LRRC69: variants seen among roughly 807,000 people sequenced by gnomAD.
The protein encoded by LRRC69 is leucine rich repeat containing 69, also known as leucine-rich repeat-containing protein 69.
LRRC69 carries 42 observed loss-of-function variants against 37.8 expected under a neutral mutation model. The observed-to-expected ratio is 1.11, with a 90% CI of 0.87 to 1.44. The LOEUF (loss-of-function observed/expected upper bound fraction) is 1.44, where lower values mean the gene tolerates loss of function less well. Ranked by LOEUF, LRRC69 falls within the 40% of genes most tolerant of loss-of-function variation. LRRC69 has a pLI of 0.00. For missense variants in LRRC69, 357 were observed against 401.9 expected, an observed-to-expected ratio of 0.89 and a Z score of 0.96; for synonymous variants, 141 against 143.1, an observed-to-expected ratio of 0.99 and a Z score of 0.11.
At chr8:91,206,482 C>T (rs1809807413) in intron 7 of LRRC69, among the ~76,000 whole-genome samples, 2 of 152,150 alleles carry the variant, frequency 1.3e-5, no homozygotes, top group Non-Finnish European at 2.9e-5. Context: ...GAATTGTTCA[C>T]ATTATCATCT....
chr8:91,148,294 C>T (rs1033915240), intron 5 of LRRC69, among the ~76,000 whole-genome samples: 1 of 151,476 alleles, frequency 6.6e-6, no homozygotes, highest in Non-Finnish European at 1.5e-5. Flanking sequence ...CATGTGTTCT[C>T]ATTGTTCAAT....
chr8:91,116,210 C>T (rs1011137178), intron 1 of LRRC69, among the ~76,000 whole-genome samples: 1 of 151,966 alleles, frequency 6.6e-6, no homozygotes, highest in Non-Finnish European at 1.5e-5. Flanking sequence ...ACAGTATTTT[C>T]CTGGGCCTAA....
Position 91,128,946 on chromosome 8 carries a change from C to T in LRRC69, c.383+1786C>T, listed in dbSNP as rs997780081. Among the ~76,000 whole-genome samples, 4 of 151,992 alleles carry T rather than the reference C, an allele frequency of 2.6e-5. No individual in the cohort carries two copies. In the East Asian group the frequency reaches 5.8e-4, roughly 22 times the overall value. On this transcript the variant is annotated intron_variant, in intron 3 of 7. Transcript: ENST00000448384. ...TATATTTAATGCAGAGGAGGGCTAGCAGGGACTCAGAGTGATCATGTCAGC... is the reference window on the plus strand; with the variant it reads ...TATATTTAATGCAGAGGAGGGCTAGTAGGGACTCAGAGTGATCATGTCAGC...
At chr8:91,147,258 T>A (rs1196418371) in intron 5 of LRRC69, among the ~76,000 whole-genome samples, 1 of 94,216 alleles carries the variant, frequency 1.1e-5, no homozygotes, top group East Asian at 2.8e-4. Flanking sequence ...ATAATATATA[T>A]TATATATAAA....
chr8:91,193,657 G>A (rs1168997094), intron 6 of LRRC69, among the ~76,000 whole-genome samples: 6 of 39,658 alleles, frequency 1.5e-4, no homozygotes, highest in East Asian at 7.5e-4. Flanking sequence ...TTTGTCTGTT[G>A]TTGGTGTATA....
intron 5 of LRRC69, among the ~76,000 whole-genome samples, chr8:91,160,012 C>G (rs1808909339): frequency 6.6e-6 from 1 of 151,118 alleles, no homozygotes; most frequent in South Asian, 2.1e-4. Flanking sequence ...TCTTCCAATC[C>G]ATGAACATGA....
chr8:91,158,519 C>T lies in LRRC69; in HGVS notation c.651+22780C>T, dbSNP rs541156296. Reference sequence around the variant, plus strand: ...GCACATGGGAGATGAAGCCAATGGGCGATGAAATAGACTTACACACTGTAC... The same window carrying T: ...GCACATGGGAGATGAAGCCAATGGGTGATGAAATAGACTTACACACTGTAC... On this transcript the variant is annotated intron_variant, in intron 5 of 7. Coordinates refer to ENST00000448384, the Ensembl canonical transcript of LRRC69. 203 of 1,122,360 alleles carry T rather than the reference C, an allele frequency of 1.8e-4. 6 individuals are homozygous for T. The South Asian group carries it at 2.2e-3, about 12-fold the overall frequency. 69.5% of individuals were successfully genotyped at this position (1,122,360 alleles called of 1,614,324 possible).
chr8:91,198,450 A>C (rs1328368307), intron 6 of LRRC69, among the ~76,000 whole-genome samples: 1 of 152,172 alleles, frequency 6.6e-6, no homozygotes, highest in Non-Finnish European at 1.5e-5. Context: ...CTTATCATAC[A>C]CATAGTAACA....
intron 6 of LRRC69, among the ~76,000 whole-genome samples, chr8:91,194,857 G>A (rs1009422047): frequency 1.1e-3 from 172 of 151,962 alleles, no homozygotes; most frequent in Non-Finnish European, 1.6e-3. Context: ...GTTCTGCTCT[G>A]ATTTTAGTTA....
intron 6 of LRRC69, among the ~76,000 whole-genome samples, chr8:91,194,007 T>C (rs1239991331): frequency 5.6e-4 from 66 of 118,448 alleles, no homozygotes; most frequent in South Asian, 1.0e-3. Flanking sequence ...GCTCTTATTA[T>C]TTTGAAATAC....
At chr8:91,113,655 T>C (rs1444538323) in intron 1 of LRRC69, among the ~76,000 whole-genome samples, 1 of 151,846 alleles carries the variant, frequency 6.6e-6, no homozygotes, top group East Asian at 1.9e-4. Context: ...GTCTGGACAA[T>C]GATTTTTTGG....
At chr8:91,135,821 A>G in intron 5 of LRRC69, 82 bp downstream of exon 5, 1 of 673,160 alleles carries the variant, frequency 1.5e-6, no homozygotes. Flanking sequence ...GGCAGACAGT[A>G]AAACCTGTAG....
intron 6 of LRRC69, among the ~76,000 whole-genome samples, chr8:91,196,703 T>C (rs1214127721): frequency 1.3e-5 from 2 of 151,482 alleles, no homozygotes; most frequent in African/African-American, 2.4e-5. Flanking sequence ...CATCAGCTCC[T>C]TTAAGCACTT....
chr8:91,109,018 C>G (rs568658346), intron 1 of LRRC69, among the ~76,000 whole-genome samples: 1 of 152,138 alleles, frequency 6.6e-6, no homozygotes, highest in Admixed American at 6.6e-5. Flanking sequence ...TTCTCCTGTT[C>G]CATCCACTGA....
chr8:91,130,886 C>G (rs1289525374), intron 3 of LRRC69: 1 of 151,908 alleles, frequency 6.6e-6, no homozygotes, highest in East Asian at 1.9e-4. Flanking sequence ...TCACTGTGTC[C>G]TCACATGGTA....
intron 6 of LRRC69, among the ~76,000 whole-genome samples, chr8:91,192,621 T>C (rs1809519158): frequency 6.6e-6 from 1 of 152,128 alleles, no homozygotes; most frequent in Non-Finnish European, 1.5e-5. Context: ...TTTTCATGTG[T>C]TTTTTGGCTG....
At chr8:91,218,094 A>C (rs1192730174) in intron 7 of LRRC69, among the ~76,000 whole-genome samples, 1 of 152,136 alleles carries the variant, frequency 6.6e-6, no homozygotes, top group Admixed American at 6.6e-5. Flanking sequence ...ACAGCAATCA[A>C]ATCTCTCATT....
intron 1 of LRRC69, among the ~76,000 whole-genome samples, chr8:91,104,513 T>C (rs112253057): frequency 0.012 from 1,837 of 152,102 alleles, 32 homozygotes; most frequent in African/African-American, 0.042. Flanking sequence ...AACCTTTCCT[T>C]TGTTCTTGTG....
At chr8:91,209,186 C>T (rs572972476) in intron 7 of LRRC69, among the ~76,000 whole-genome samples, 4 of 152,088 alleles carry the variant, frequency 2.6e-5, no homozygotes, top group Non-Finnish European at 4.4e-5. Context: ...CAGCATTCTG[C>T]GAGGCCGAGG....
Sources: gnomAD v4.1 joint callset for allele counts (sites outside exome capture counted in the v4.1 genomes callset) on GRCh38, gnomAD v4.1.1 for gene constraint, MANE v1.5 for transcripts, NCBI Gene and HGNC (gene_info 2026-07-23, HGNC 2026-07-21) for gene names.